Variants in BRF1 observed in about 807,000 individuals in gnomAD.
BRF1 encodes BRF1 general transcription factor IIIB subunit, also known as transcription factor IIIB 90 kDa subunit.
BRF1 carries 59 observed loss-of-function variants against 81.7 expected under a neutral mutation model. That is an observed-to-expected ratio of 0.72 (90% CI 0.59 to 0.90). The LOEUF is 0.90. Ranked by LOEUF, BRF1 falls within the 40% of genes least tolerant of loss-of-function variation. The pLI is 0.00. For missense variants in BRF1, 1,050 were observed against 936.3 expected (o/e 1.12, Z -1.58); for synonymous variants, 491 against 395.6 (o/e 1.24, Z -2.86).
intron 5 of BRF1, chr14:105,242,633 G>C (rs749029089): frequency 6.7e-6 from 1 of 150,372 alleles, no homozygotes; most frequent in Non-Finnish European, 1.5e-5. Context: ...TACTCAAGAG[G>C]CTGAGGCTGG....
At position 105,209,292 on chromosome 14, in the gene BRF1, TTAAG is replaced by T. The variant is rs1352909598; in HGVS notation, c.*1255_*1258del. 4.1e-6 allele frequency: 2 copies of T among 492,142 alleles called. No homozygotes were observed. Among genetic ancestry groups the T allele is most frequent in the Non-Finnish European group, 7.3e-6 (2 of 272,198 alleles). 30.5% of individuals were successfully genotyped at this position (492,142 alleles called of 1,614,324 possible). ...TCAGACAAGCCTCAGGCAATTTCTG[TTAAG>T]TAACAACAGATCTTCCTGCTTTACT... is the stretch of plus-strand genomic sequence containing the variant. On this transcript the variant is annotated 3_prime_UTR_variant, in exon 18 of 18. Transcript: ENST00000547530.
At chr14:105,243,062 G>C (rs587649913) in intron 5 of BRF1, among the ~76,000 whole-genome samples, 4 of 152,266 alleles carry the variant, frequency 2.6e-5, no homozygotes, top group African/African-American at 9.6e-5. Flanking sequence ...ATTGCAGTGA[G>C]CCAAGATCAT....
intron 1 of BRF1, among the ~76,000 whole-genome samples, chr14:105,296,131 G>T (rs1452972780): frequency 1.3e-5 from 2 of 151,108 alleles, no homozygotes; most frequent in African/African-American, 4.9e-5. Flanking sequence ...AACTCTTAGG[G>T]GCCAGGTGTG....
At chr14:105,251,406 T>G (rs141025882) in intron 5 of BRF1, among the ~76,000 whole-genome samples, 1 of 152,240 alleles carries the variant, frequency 6.6e-6, no homozygotes, top group African/African-American at 2.4e-5. Context: ...CCCTGGGGAC[T>G]GTCACTAGCT....
At chr14:105,312,231 G>T (rs1435048549) in intron 1 of BRF1, among the ~76,000 whole-genome samples, 1 of 152,234 alleles carries the variant, frequency 6.6e-6, no homozygotes, top group African/African-American at 2.4e-5. Flanking sequence ...CAGAGGAAAG[G>T]CCTCGGCCCA....
At chr14:105,241,150 G>T (rs1418884613) in intron 6 of BRF1, 115 bp downstream of exon 6, 1 of 1,491,148 alleles carries the variant, frequency 6.7e-7, no homozygotes, top group Non-Finnish European at 9.0e-7. Flanking sequence ...GGAGGCTGGA[G>T]GCAGCTCTCA....
intron 3 of BRF1, among the ~76,000 whole-genome samples, chr14:105,270,271 TC>T (rs1218933651): frequency 6.6e-6 from 1 of 151,468 alleles, no homozygotes; most frequent in Non-Finnish European, 1.5e-5. Context: ...CCTCCCGGGT[TC>T]CCGCCATTCT....
At chr14:105,225,979 T>C in intron 10 of BRF1, 90 bp downstream of exon 10, 2 of 1,300,244 alleles carry the variant, frequency 1.5e-6, no homozygotes, top group South Asian at 1.3e-5. Flanking sequence ...TCCCCTTCCC[T>C]TTCCAGGTCT....
intron 15 of BRF1, among the ~76,000 whole-genome samples, chr14:105,216,133 G>A (rs1031671337): frequency 7.2e-5 from 11 of 152,218 alleles, no homozygotes; most frequent in African/African-American, 2.4e-4. Context: ...CACAGATACA[G>A]GCATACACGC....
At chr14:105,283,787 G>A (rs932265352) in intron 2 of BRF1, among the ~76,000 whole-genome samples, 33 of 152,180 alleles carry the variant, frequency 2.2e-4, no homozygotes, top group African/African-American at 7.2e-4. Context: ...TCTCTGTGGA[G>A]AACAAAGCTC....
chr14:105,300,488 C>T lies in BRF1; in HGVS notation c.142G>A (p.Gly48Ser), dbSNP rs1422254753. The T allele has an allele frequency of 4.0e-5, 62 of 1,535,594 alleles. No homozygotes were observed. Among genetic ancestry groups the T allele is most frequent in the Non-Finnish European group, 2.6e-6 (3 of 1,144,322 alleles). ...VSEVQFVESS[G>S]GGSSAVGQFV... is the part of the protein sequence containing the mutation. ...TGGCCCACGGCCGAGGAGCCGCCGC[C>T]GCTGCTCTCCACGAACTGCACCTCG... is the stretch of plus-strand genomic sequence containing the variant. Residue 48 changes from glycine to serine, a missense_variant, in exon 1 of 18, where the codon GGC becomes AGC. This residue lies in a region of BRF1 where 1,043 missense variants were observed against 915.4 expected (regional missense o/e 1.14). Transcript: ENST00000547530.
intron 5 of BRF1, 189 bp downstream of exon 5, chr14:105,252,318 C>T (rs587637221): frequency 8.8e-5 from 85 of 960,972 alleles, no homozygotes; most frequent in Non-Finnish European, 1.0e-4. Flanking sequence ...CCAGCCTGGA[C>T]AACAGCGAGA....
rs587721182 is a variant in BRF1 at position 105,288,400 on chromosome 14, A to G, written c.185-2024T>C. Among the ~76,000 whole-genome samples, 569 of 151,852 alleles carry G rather than the reference A, an allele frequency of 3.7e-3. 1 individual carries two copies. Among genetic ancestry groups the G allele is most frequent in the African/African-American group, 0.013 (546 of 41,442 alleles). The stretch of plus-strand genomic sequence containing the variant: ...CCAGGAGGTGGAGGTTGCAGTGAGC[A>G]GAGATGGTGCCACTGCACTCCAGCC... On this transcript the variant is annotated intron_variant, in intron 1 of 17. Transcript: ENST00000547530.
At position 105,211,225 on chromosome 14, in the gene BRF1, G is replaced by A. The variant is rs770337786; in HGVS notation, c.1893C>T (p.Ser631=). ...PARPQAVLVE[S]GPVSYHADEE... Reference sequence around the variant, plus strand: ...CGTCGGCGTGGTATGACACGGGCCCGCTCTCCACCAGCACCGCCTGGGGCC... The same window carrying A: ...CGTCGGCGTGGTATGACACGGGCCCACTCTCCACCAGCACCGCCTGGGGCC... The change falls in exon 17 of 18, where the codon AGC becomes AGT. Residue 631 remains serine (S), a synonymous_variant. Transcript: ENST00000547530. The A allele has an allele frequency of 3.2e-5, 52 of 1,610,762 alleles. No homozygotes were observed. The highest frequency in any genetic ancestry group is 3.8e-5 in the Non-Finnish European group (45 of 1,179,530).
intron 6 of BRF1, among the ~76,000 whole-genome samples, chr14:105,229,180 T>C (rs1001198842): frequency 6.6e-6 from 1 of 152,148 alleles, no homozygotes; most frequent in Non-Finnish European, 1.5e-5. Context: ...ACGTAATCCC[T>C]CAAAGCAAAC....
chr14:105,300,479 AGCC>A lies in BRF1; in HGVS notation c.148_150del (p.Gly50del). 2 of 1,534,446 alleles carry A rather than the reference AGCC, an allele frequency of 1.3e-6. No homozygotes were observed. The stretch of plus-strand genomic sequence containing the variant: ...GACACGAACTGGCCCACGGCCGAGG[AGCC>A]GCCGCCGCTGCTCTCCACGAACTGC... On this transcript the variant is annotated inframe_deletion, in exon 1 of 18. Coordinates refer to ENST00000547530, the MANE Select transcript of BRF1 (RefSeq NM_001519.4).
At chr14:105,241,229 G>C (rs746748909) in intron 6 of BRF1, 36 bp downstream of exon 6, 4 of 1,604,288 alleles carry the variant, frequency 2.5e-6, no homozygotes, top group Admixed American at 1.7e-5. Context: ...CCAGGACCCA[G>C]ACCAGCATCC....
At chr14:105,211,552 A>G (rs1890114818) in intron 16 of BRF1, 1 of 517,004 alleles carries the variant, frequency 1.9e-6, no homozygotes, top group African/African-American at 2.0e-5. Flanking sequence ...GCCCCACCCC[A>G]GTGCTCGGGG....
At chr14:105,251,094 C>A in intron 5 of BRF1, 1 of 205,454 alleles carries the variant, frequency 4.9e-6, no homozygotes, top group South Asian at 1.1e-4. Flanking sequence ...TAAAATAACA[C>A]CCACGTGTCA....
Sources: gnomAD v4.1 joint callset for allele counts (sites outside exome capture counted in the v4.1 genomes callset) on GRCh38, gnomAD v4.1.1 for gene constraint, gnomAD v4.1.1 regional missense constraint, MANE v1.5 for transcripts, NCBI Gene and HGNC (gene_info 2026-07-23, HGNC 2026-07-21) for gene names.